Variants in LEPR observed in about 807,000 individuals in gnomAD.
LEPR encodes the protein OB receptor.
In LEPR, 56 loss-of-function variants were observed where a neutral mutation model predicts 114.7. The ratio of observed to expected loss-of-function variants is 0.49; its 90% CI spans 0.39 to 0.61. The LOEUF (loss-of-function observed/expected upper bound fraction) is 0.61. LEPR is among the 20% of genes least tolerant of loss of function. The probability of loss-of-function intolerance (pLI) is 0.00; values close to 1 mark genes in which losing one functional copy is unlikely to be tolerated. For synonymous variants in LEPR, 443 were observed against 461.4 expected (o/e 0.96, Z 0.51); for missense variants, 1,202 against 1,352.9 (o/e 0.89, Z 1.75).
At chr1:65,586,212 C>T (rs1416684939) in intron 5 of LEPR, among the ~76,000 whole-genome samples, 1 of 151,888 alleles carries the variant, frequency 6.6e-6, no homozygotes, top group East Asian at 1.9e-4. Flanking sequence ...ACCTTCTCTC[C>T]AAATCTCAGT....
intron 19 of LEPR, 106 bp downstream of exon 19, chr1:65,623,087 T>C (rs923166598): frequency 8.4e-6 from 9 of 1,073,624 alleles, no homozygotes; most frequent in Admixed American, 2.2e-5. Context: ...GGTCATATTT[T>C]ATTCAATTCA....
rs1292220590 is a variant in LEPR at position 65,592,684 on chromosome 1, G to A, written c.522G>A (p.Leu174=). The change falls in exon 6 of 20, where the codon CTG becomes CTA. Residue 174 remains leucine (L), a synonymous_variant. Transcript: ENST00000349533. ...CTGAAGTGTTAGAAGATTCACCTCT[G>A]GTTCCCCAAAAAGGCAGTTTTCAGA... The part of the protein sequence containing the change: ...VLPEVLEDSP[L]VPQKGSFQMV... 12 of 1,612,980 alleles carry A rather than the reference G, an allele frequency of 7.4e-6. No homozygotes were observed. Among genetic ancestry groups the A allele is most frequent in the Middle Eastern group, 3.3e-4 (2 of 6,052 alleles).
At chr1:65,447,072 T>TC (rs1256577705) in intron 2 of LEPR, among the ~76,000 whole-genome samples, 1 of 152,150 alleles carries the variant, frequency 6.6e-6, no homozygotes, top group Non-Finnish European at 1.5e-5. Flanking sequence ...GCTCATGTGA[T>TC]CCACCTGCCT....
At chr1:65,547,333 G>T (rs1233301950) in intron 2 of LEPR, among the ~76,000 whole-genome samples, 1 of 152,152 alleles carries the variant, frequency 6.6e-6, no homozygotes, top group African/African-American at 2.4e-5. Context: ...AAATGAGTTA[G>T]GGAGGATTCC....
chr1:65,521,121 C>T (rs1782755), intron 2 of LEPR, among the ~76,000 whole-genome samples: 1 of 152,100 alleles, frequency 6.6e-6, no homozygotes, highest in Non-Finnish European at 1.5e-5. Context: ...CTGATTTTTC[C>T]GTAACAGACG....
At chr1:65,443,259 T>C (rs1475654061) in intron 2 of LEPR, among the ~76,000 whole-genome samples, 1 of 152,008 alleles carries the variant, frequency 6.6e-6, no homozygotes, top group Non-Finnish European at 1.5e-5. Flanking sequence ...CAGTACTAAC[T>C]AATTAGAAAA....
At chr1:65,423,087 G>T (rs1239386513) in intron 1 of LEPR, among the ~76,000 whole-genome samples, 2 of 152,176 alleles carry the variant, frequency 1.3e-5, no homozygotes, top group Non-Finnish European at 2.9e-5. Context: ...CCTTTAAAGT[G>T]TAGGGATAGT....
At chr1:65,427,639 T>C (rs1185459990) in intron 2 of LEPR, 1 of 176,190 alleles carries the variant, frequency 5.7e-6, no homozygotes, top group East Asian at 1.6e-4. Flanking sequence ...ACCAAACGTT[T>C]TTCCACTATT....
intron 2 of LEPR, among the ~76,000 whole-genome samples, chr1:65,429,231 C>G (rs1646437227): frequency 6.6e-6 from 1 of 152,020 alleles, no homozygotes; most frequent in Admixed American, 6.6e-5. Flanking sequence ...AAGGAGTCAG[C>G]CAATGAGAAG....
At chr1:65,446,076 A>G (rs920311969) in intron 2 of LEPR, among the ~76,000 whole-genome samples, 7 of 152,192 alleles carry the variant, frequency 4.6e-5, no homozygotes, top group African/African-American at 1.7e-4. Flanking sequence ...TGCTGACTGT[A>G]TTTTTATCTG....
intron 13 of LEPR, 24 bp from the exon 14 acceptor site, chr1:65,610,188 CAT>C (rs1037170148): frequency 7.4e-6 from 12 of 1,613,906 alleles, no homozygotes; most frequent in African/African-American, 2.7e-5. Context: ...TCTTCAAAAA[CAT>C]ATACACAACT....
intron 2 of LEPR, among the ~76,000 whole-genome samples, chr1:65,545,977 T>G (rs921199373): frequency 6.6e-6 from 1 of 151,816 alleles, no homozygotes; most frequent in African/African-American, 2.4e-5. Flanking sequence ...CTTGAATTAA[T>G]TTTTGTATAA....
intron 2 of LEPR, among the ~76,000 whole-genome samples, chr1:65,445,205 G>A (rs1371318607): frequency 1.3e-5 from 2 of 152,160 alleles, no homozygotes; most frequent in East Asian, 1.9e-4. Context: ...TTCTTCTTAC[G>A]GGCAGCACAA....
chr1:65,436,631 T>C (rs1290805980), intron 2 of LEPR, among the ~76,000 whole-genome samples: 1 of 152,238 alleles, frequency 6.6e-6, no homozygotes, highest in Non-Finnish European at 1.5e-5. Context: ...TTATTTGTGG[T>C]CAATACGAGG....
At chr1:65,523,351 C>G (rs1211536122) in intron 2 of LEPR, among the ~76,000 whole-genome samples, 17 of 152,136 alleles carry the variant, frequency 1.1e-4, no homozygotes. Flanking sequence ...CTCACTGTCA[C>G]CAAGGCTGGA....
At chr1:65,462,769 A>G (rs1301306980) in intron 2 of LEPR, among the ~76,000 whole-genome samples, 4 of 152,132 alleles carry the variant, frequency 2.6e-5, no homozygotes, top group Non-Finnish European at 5.9e-5. Context: ...GCATTTTTTC[A>G]TATGTCTGTT....
At chr1:65,459,622 G>C (rs1046478902) in intron 2 of LEPR, among the ~76,000 whole-genome samples, 19 of 152,200 alleles carry the variant, frequency 1.2e-4, no homozygotes, top group African/African-American at 4.6e-4. Flanking sequence ...AATGTTCACA[G>C]GATCCAGCTC....
intron 2 of LEPR, chr1:65,526,234 A>G (rs935214213): frequency 1.0e-6 from 1 of 985,300 alleles, no homozygotes; most frequent in African/African-American, 1.7e-5. Flanking sequence ...TTCGAATGAC[A>G]AGAGAAAAAA....
chr1:65,443,793 A>G (rs1055201370), intron 2 of LEPR, among the ~76,000 whole-genome samples: 1 of 152,166 alleles, frequency 6.6e-6, no homozygotes, highest in African/African-American at 2.4e-5. Flanking sequence ...GCAGACAGGA[A>G]TAGTTCTGAA....
Sources: allele counts gnomAD v4.1 joint callset (sites outside exome capture counted in the v4.1 genomes callset), GRCh38; gene constraint gnomAD v4.1.1; transcripts MANE v1.5; gene names NCBI Gene and HGNC (gene_info 2026-07-23, HGNC 2026-07-21).